The following BBS7 variants were observed in gnomAD, a reference collection of about 807,000 sequenced individuals.
BBS7 encodes the protein BBSome complex member BBS7.
Under a neutral mutation model 90.3 loss-of-function variants are expected in BBS7, and 50 were observed. The observed-to-expected ratio is 0.55, with a 90% CI of 0.44 to 0.70. The LOEUF (loss-of-function observed/expected upper bound fraction) is 0.70, where lower values mean the gene tolerates loss of function less well. Among genes scored for constraint, BBS7 ranks in the 30% least tolerant of loss-of-function variants. BBS7 has a pLI of 0.00. For synonymous variants in BBS7, 235 were observed against 287.4 expected, an observed-to-expected ratio of 0.82 and a Z score of 1.85; for missense variants, 729 against 838.9, an observed-to-expected ratio of 0.87 and a Z score of 1.62.
intron 18 of BBS7, 87 bp downstream of exon 18, chr4:121,828,059 C>T (rs762117093): frequency 1.3e-6 from 2 of 1,577,936 alleles, no homozygotes; most frequent in Non-Finnish European, 8.6e-7. Context: ...ATCTTTTTAT[C>T]TTTCTGCCCA....
intron 15 of BBS7, among the ~76,000 whole-genome samples, chr4:121,829,295 C>T (rs9684587): frequency 0.25 from 37,365 of 148,484 alleles, 5,395 homozygotes; most frequent in Non-Finnish European, 0.32. Flanking sequence ...AGTGCAGTGG[C>T]GTGATCTCCA....
chr4:121,863,132 A>T, intron 3 of BBS7, 85 bp downstream of exon 3: 1 of 1,316,506 alleles, frequency 7.6e-7, no homozygotes, highest in Non-Finnish European at 1.1e-6. Flanking sequence ...CCTGTATTTT[A>T]GGAAATTTTT....
chr4:121,857,808 CTT>C (rs5861541), intron 5 of BBS7, among the ~76,000 whole-genome samples: 2 of 132,362 alleles, frequency 1.5e-5, no homozygotes, highest in African/African-American at 2.8e-5. Flanking sequence ...TTTTTCTTTT[CTT>C]TTTTTTTTTT....
Position 121,835,290 on chromosome 4 carries a change from CAA to C in BBS7, c.1372-9_1372-8del. On this transcript the variant is annotated splice_region_variant and splice_polypyrimidine_tract_variant and intron_variant, in intron 13 of 18. Coordinates refer to ENST00000264499, the MANE Select transcript of BBS7 (RefSeq NM_176824.3). ...GGCCTTCAATTGAGCGAATCTGATT[CAA>C]CACAAAAGAGGAAATAAAATAAGAA... is the stretch of plus-strand genomic sequence containing the variant. The C allele has an allele frequency of 6.2e-7, 1 of 1,613,348 alleles. No homozygotes were observed. The highest frequency in any genetic ancestry group is 8.5e-7 in the Non-Finnish European group (1 of 1,179,612).
chr4:121,846,037 TGAG>T (rs1725997035), intron 10 of BBS7, among the ~76,000 whole-genome samples: 1 of 152,136 alleles, frequency 6.6e-6, no homozygotes, highest in Admixed American at 6.5e-5. Context: ...CTTATACTAA[TGAG>T]AAGAGAAACT....
At chr4:121,836,283 A>T (rs1025071098) in intron 13 of BBS7, among the ~76,000 whole-genome samples, 1 of 152,048 alleles carries the variant, frequency 6.6e-6, no homozygotes, top group African/African-American at 2.4e-5. Context: ...CTTTGCTTTC[A>T]TTTCCAATAT....
In BBS7 at chr4:121,853,155, G is replaced by A. The variant is rs1726414633; in HGVS notation, c.719-69C>T. 13 of 1,544,916 alleles carry A rather than the reference G, an allele frequency of 8.4e-6. No homozygotes were observed. The South Asian group carries it at 1.5e-4, about 18-fold the overall frequency. On this transcript the variant is annotated intron_variant, in intron 7 of 18. Transcript: ENST00000264499. The stretch of plus-strand genomic sequence containing the variant: ...TTATGGTCAAGTATATGCCAAGTAA[G>A]AATGAAAAAAACACACATACCGACT...
Position 121,867,800 on chromosome 4 carries a change from T to C in BBS7, c.102+181A>G, listed in dbSNP as rs147370678. ...CTAATGGTATATAATAATTTTAATG[T>C]CCAAGAAAATTATTGTCTATAAATG... On this transcript the variant is annotated intron_variant, in intron 2 of 18. Coordinates refer to ENST00000264499, the MANE Select transcript of BBS7 (RefSeq NM_176824.3). Among the ~76,000 whole-genome samples, 166 of 152,360 alleles carry C rather than the reference T, an allele frequency of 1.1e-3. 1 individual carries two copies. The highest frequency in any genetic ancestry group is 3.8e-3 in the African/African-American group (158 of 41,592).
chr4:121,824,683 C>T lies in BBS7; in HGVS notation c.*1177G>A, dbSNP rs1317229698. The T allele has an allele frequency of 6.6e-6, 1 of 151,904 alleles. No homozygotes were observed. The highest frequency in any genetic ancestry group is 1.5e-5 in the Non-Finnish European group (1 of 67,964). 9.4% of individuals were successfully genotyped at this position (151,904 alleles called of 1,614,324 possible). A position where few individuals can be genotyped will look rare whatever the true frequency, so the allele number is the denominator to read the frequency against. On this transcript the variant is annotated 3_prime_UTR_variant, in exon 19 of 19. Coordinates refer to ENST00000264499, the MANE Select transcript of BBS7 (RefSeq NM_176824.3). This position sits in a 1 kb window ranked among gnomAD's most constrained non-coding sequence, Gnocchi z 4.1. ...CTAGTGACCTAGATATAATTATGTT[C>T]CTTTCAGAAGTAAAGTTTTTTAAAC...
chr4:121,862,358 T>C lies in BBS7; in HGVS notation c.166-679A>G, dbSNP rs1727028946. Among the ~76,000 whole-genome samples, 2 of 152,188 alleles carry C rather than the reference T, an allele frequency of 1.3e-5. 1 individual carries two copies. Among genetic ancestry groups the C allele is most frequent in the South Asian group, 4.1e-4 (2 of 4,832 alleles). On this transcript the variant is annotated intron_variant, in intron 3 of 18. Coordinates refer to ENST00000264499, the MANE Select transcript of BBS7 (RefSeq NM_176824.3). Reference sequence around the variant, plus strand: ...CTTCTTCTCCTCCACTTCCTCCCCATGACTTTATATACAGAGAATAAGATA... The same window carrying C: ...CTTCTTCTCCTCCACTTCCTCCCCACGACTTTATATACAGAGAATAAGATA...
At chr4:121,828,009 CAA>C in intron 18 of BBS7, 135 bp downstream of exon 18, 1 of 1,483,658 alleles carries the variant, frequency 6.7e-7, no homozygotes, top group South Asian at 1.5e-5. Context: ...AATTTGTTGT[CAA>C]CTGATTCATG....
intron 15 of BBS7, among the ~76,000 whole-genome samples, chr4:121,830,696 C>G (rs1376527211): frequency 6.6e-6 from 1 of 152,170 alleles, no homozygotes; most frequent in African/African-American, 2.4e-5. Context: ...TGGTAAGTCA[C>G]AGAGCCAGGA....
chr4:121,830,739 ATACTTC>A (rs1725139852), intron 15 of BBS7, among the ~76,000 whole-genome samples: 1 of 152,212 alleles, frequency 6.6e-6, no homozygotes, highest in Non-Finnish European at 1.5e-5. Flanking sequence ...TCCAAAGCAC[ATACTTC>A]TACACTACCT....
intron 14 of BBS7, among the ~76,000 whole-genome samples, chr4:121,834,506 T>C (rs1725350372): frequency 6.6e-6 from 1 of 152,194 alleles, no homozygotes; most frequent in Non-Finnish European, 1.5e-5. Context: ...TTAGTCCTTT[T>C]ATCAGCAAGT....
chr4:121,861,228 T>C lies in BBS7; in HGVS notation c.341+276A>G, dbSNP rs187861663. 3.0e-4 allele frequency: 86 copies of C among 290,604 alleles called. 1 individual carries two copies. Among genetic ancestry groups the C allele is most frequent in the Admixed American group, 2.3e-3 (46 of 20,154 alleles). 18.0% of individuals were successfully genotyped at this position (290,604 alleles called of 1,614,324 possible). A position where few individuals can be genotyped will look rare whatever the true frequency, so the allele number is the denominator to read the frequency against. On this transcript the variant is annotated intron_variant, in intron 4 of 18. Coordinates refer to ENST00000264499, the MANE Select transcript of BBS7 (RefSeq NM_176824.3). ...GCCAAGGAACATAAAGCTAAATATC[T>C]AGATTTATTTTCAATTTTTTTGATA...
intron 13 of BBS7, among the ~76,000 whole-genome samples, chr4:121,837,800 T>A (rs970902128): frequency 2.0e-5 from 3 of 152,014 alleles, no homozygotes; most frequent in Non-Finnish European, 4.4e-5. Context: ...AATTAGTATA[T>A]CCAATTAAAA....
intron 12 of BBS7, among the ~76,000 whole-genome samples, chr4:121,841,880 C>T (rs778710542): frequency 2.2e-4 from 33 of 152,046 alleles, no homozygotes; most frequent in Non-Finnish European, 3.5e-4. Context: ...CAAACAGGAA[C>T]GACAAACCAC....
intron 7 of BBS7, 54 bp downstream of exon 7, chr4:121,854,650 A>C (rs1039913791): frequency 1.1e-5 from 17 of 1,536,822 alleles, no homozygotes; most frequent in Non-Finnish European, 1.4e-5. Flanking sequence ...TATATAATTT[A>C]AGATACTTAA....
intron 7 of BBS7, 62 bp downstream of exon 7, chr4:121,854,642 T>G: frequency 6.7e-7 from 1 of 1,486,152 alleles, no homozygotes; most frequent in Non-Finnish European, 9.2e-7. Flanking sequence ...GAATAAATTA[T>G]ATAATTTAAG....
Sources: allele counts gnomAD v4.1 joint callset (sites outside exome capture counted in the v4.1 genomes callset), GRCh38; gene constraint gnomAD v4.1.1; non-coding constraint Gnocchi (gnomAD v3.1); transcripts MANE v1.5; gene names NCBI Gene and HGNC (gene_info 2026-07-23, HGNC 2026-07-21).